Variants in ARHGAP4 observed in about 807,000 individuals in gnomAD.
ARHGAP4 encodes the protein Rho GTPase activating protein 4, also known as rho GTPase-activating protein 4.
Under a neutral mutation model 67.6 loss-of-function variants are expected in ARHGAP4, and 25 were observed. That is an observed-to-expected ratio of 0.37 (90% confidence interval 0.27 to 0.52). ARHGAP4 has a LOEUF of 0.52. Ranked by LOEUF, ARHGAP4 falls within the 20% of genes least tolerant of loss-of-function variation. ARHGAP4 has a pLI of 0.92. For missense variants in ARHGAP4, 804 were observed against 854.6 expected (o/e 0.94, Z 0.74); for synonymous variants, 448 against 373.7 (o/e 1.20, Z -2.29).
In ARHGAP4 at chrX:153,910,800, A is replaced by G. The variant is rs2070097; in HGVS notation, c.1716T>C (p.His572=). The change falls in exon 15 of 22, where the codon CAT becomes CAC. Residue 572 remains histidine (H), a synonymous_variant. Transcript: ENST00000350060. ...EDPLVEGCTA[H]DLDSVAGVLK... is the part of the protein sequence containing the mutation. ...GCACCCCGGCCACCGAGTCCAGGTC[A>G]TGGGCAGTGCAGCCCTCCACCAGTG... 529,728 of 1,186,770 alleles carry G rather than the reference A, an allele frequency of 0.45. 87,749 individuals are homozygous for G. The highest frequency in any genetic ancestry group is 0.87 in the African/African-American group (48,670 of 56,181).
At chrX:153,917,617 G>A (rs1393175186) in intron 7 of ARHGAP4, among the ~76,000 whole-genome samples, 1 of 111,263 alleles carries the variant, frequency 9.0e-6, no homozygotes, top group Non-Finnish European at 1.9e-5. Context: ...TTAGCCTGGC[G>A]TTGTAGTGCA....
chrX:153,907,592 C>A lies in ARHGAP4; in HGVS notation c.*137G>T. On this transcript the variant is annotated 3_prime_UTR_variant, in exon 22 of 22. Coordinates refer to ENST00000350060, the MANE Select transcript of ARHGAP4 (RefSeq NM_001666.5). The stretch of plus-strand genomic sequence containing the variant: ...GCGGGCATCCCTGTGTGCACGGCCC[C>A]ATCCCACCTCTCTGCACAGGGTGAA... 1 of 370,208 alleles carries A rather than the reference C, an allele frequency of 2.7e-6. No homozygotes were observed. The highest frequency in any genetic ancestry group is 4.6e-6 in the Non-Finnish European group (1 of 218,624). 30.5% of individuals were successfully genotyped at this position (370,208 alleles called of 1,213,427 possible).
chrX:153,923,839 G>A (rs2148528881), intron 1 of ARHGAP4, among the ~76,000 whole-genome samples: 1 of 112,225 alleles, frequency 8.9e-6, no homozygotes, highest in Non-Finnish European at 1.9e-5. Flanking sequence ...GTACAGTGGT[G>A]CGATCTCGGC....
At chrX:153,920,603 T>A (rs782751655) in intron 5 of ARHGAP4, 23 bp downstream of exon 5, 22 of 1,182,300 alleles carry the variant, frequency 1.9e-5, no homozygotes, top group Non-Finnish European at 2.4e-5. Context: ...TAGGCCTGCG[T>A]CTGAGGTGCC....
intron 18 of ARHGAP4, 40 bp downstream of exon 18, chrX:153,909,972 G>C (rs782366677): frequency 4.1e-6 from 5 of 1,210,059 alleles, no homozygotes; most frequent in Non-Finnish European, 5.6e-6. Flanking sequence ...GTGGACACTA[G>C]GGTGGGGACA....
At chrX:153,920,971 T>C (rs1219592484) in intron 4 of ARHGAP4, 126 bp downstream of exon 4, 1 of 1,010,390 alleles carries the variant, frequency 9.9e-7, no homozygotes, top group Non-Finnish European at 1.4e-6. Flanking sequence ...CCTTTGCCCC[T>C]AGGTGCGTGC....
intron 1 of ARHGAP4, among the ~76,000 whole-genome samples, chrX:153,922,748 T>G (rs2065104194): frequency 8.9e-6 from 1 of 112,192 alleles, no homozygotes; most frequent in Non-Finnish European, 1.9e-5. Flanking sequence ...GGGACATGAA[T>G]TGATGTCTTC....
intron 8 of ARHGAP4, 29 bp from the exon 9 acceptor site, chrX:153,913,629 A>G: frequency 1.7e-6 from 2 of 1,186,387 alleles, no homozygotes; most frequent in Non-Finnish European, 2.3e-6. Flanking sequence ...CAGGGTGGTA[A>G]GAGGTGGGGG....
Position 153,920,663 on chromosome X carries a change from T to C in ARHGAP4, c.644A>G (p.Lys215Arg), listed in dbSNP as rs782317527. ...AGATEAGPLRKSSLKKGGRLV... is the reference protein window; with the variant it reads ...AGATEAGPLRRSSLKKGGRLV... ...CCTCCCTCCCTTCTTGAGGGAGCTC[T>C]TGCGGAGGGGCCCTGCCTCAGTGGC... The change falls in exon 5 of 22, where the codon AAG becomes AGG. Residue 215 changes from lysine (K) to arginine (R), a missense_variant. Lys to Arg is a conservative substitution (Grantham distance 26). Around this residue, in one of 2 missense-constraint regions of ARHGAP4, gnomAD observed 404 missense variants for 505.9 expected, o/e 0.80. Coordinates refer to ENST00000350060, the MANE Select transcript of ARHGAP4 (RefSeq NM_001666.5). 8.3e-7 allele frequency: 1 copy of C among 1,210,649 alleles called. No homozygotes were observed. Among genetic ancestry groups the C allele is most frequent in the Non-Finnish European group, 1.1e-6 (1 of 894,857 alleles).
rs990664955 is a variant in ARHGAP4 at position 153,921,298 on chromosome X, C to T, written c.435+67G>A. 5.0e-6 allele frequency: 6 copies of T among 1,201,135 alleles called. No individual in the cohort carries two copies. In the African/African-American group the frequency reaches 8.7e-5, roughly 17 times the overall value. On this transcript the variant is annotated intron_variant, in intron 3 of 21. Coordinates refer to ENST00000350060, the MANE Select transcript of ARHGAP4 (RefSeq NM_001666.5). The stretch of plus-strand genomic sequence containing the variant: ...CTCCCCACCTGGCCTCCAGTGCCCT[C>T]CCAGCCACAGTGCCTCCTGATCCCA...
chrX:153,922,635 C>T (rs1404860163), intron 1 of ARHGAP4, among the ~76,000 whole-genome samples: 1 of 112,269 alleles, frequency 8.9e-6, no homozygotes, highest in Non-Finnish European at 1.9e-5. Context: ...GCGGAAGACA[C>T]TTTTGCCATC....
In ARHGAP4 at chrX:153,920,645, C is replaced by G. The variant is rs782244627; in HGVS notation, c.662G>C (p.Gly221Ala). 1 of 1,207,527 alleles carries G rather than the reference C, an allele frequency of 8.3e-7. No individual in the cohort carries two copies. The highest frequency in any genetic ancestry group is 1.1e-6 in the Non-Finnish European group (1 of 893,140). The stretch of plus-strand genomic sequence containing the variant: ...GCCCACCTTCTCCACCAGCCTCCCT[C>G]CCTTCTTGAGGGAGCTCTTGCGGAG... ...GPLRKSSLKK[G>A]GRLVEKRQAK... is the part of the protein sequence containing the mutation. Residue 221 changes from glycine (G) to alanine (A), a missense_variant, in exon 5 of 22, where the codon GGA becomes GCA. Coordinates refer to ENST00000350060, the MANE Select transcript of ARHGAP4 (RefSeq NM_001666.5).
chrX:153,911,500 G>A (rs1304008603), intron 12 of ARHGAP4, among the ~76,000 whole-genome samples: 1 of 111,752 alleles, frequency 8.9e-6, no homozygotes, highest in Non-Finnish European at 1.9e-5. Context: ...AGATCCACTC[G>A]TAGGTGTCTG....
intron 7 of ARHGAP4, among the ~76,000 whole-genome samples, chrX:153,915,975 GCCTGGT>G (rs1487167051): frequency 7.1e-5 from 8 of 112,000 alleles, no homozygotes; most frequent in African/African-American, 2.6e-4. Flanking sequence ...TCGGAAGCTG[GCCTGGT>G]CCTATCAGCC....
At chrX:153,919,099 G>C (rs782390396) in intron 6 of ARHGAP4, 46 bp from the exon 7 acceptor site, 1 of 1,210,494 alleles carries the variant, frequency 8.3e-7, no homozygotes, top group Non-Finnish European at 1.1e-6. Flanking sequence ...TGGAGCCACA[G>C]CTTCCCAGCC....
intron 21 of ARHGAP4, among the ~76,000 whole-genome samples, chrX:153,908,414 G>A (rs1557101783): frequency 2.7e-5 from 3 of 112,060 alleles, no homozygotes; most frequent in South Asian, 3.7e-4. Flanking sequence ...TGGGACACCC[G>A]CATGTTCTTG....
At chrX:153,909,961 T>C (rs1557102503) in intron 18 of ARHGAP4, 37 bp from the exon 19 acceptor site, 1 of 1,205,729 alleles carries the variant, frequency 8.3e-7, no homozygotes, top group Admixed American at 2.2e-5. Context: ...TGGGAGGGGG[T>C]GTGGACACTA....
At chrX:153,924,058 C>T (rs782357721) in intron 1 of ARHGAP4, among the ~76,000 whole-genome samples, 5 of 112,018 alleles carry the variant, frequency 4.5e-5, no homozygotes, top group Non-Finnish European at 9.4e-5. Flanking sequence ...GGATTACAGA[C>T]GTGAGCCACC....
chrX:153,909,929 G>T lies in ARHGAP4; in HGVS notation c.2231-5C>A. On this transcript the variant is annotated splice_polypyrimidine_tract_variant and splice_region_variant and intron_variant, in intron 18 of 21. Coordinates refer to ENST00000350060, the MANE Select transcript of ARHGAP4 (RefSeq NM_001666.5). ...CCTCCACGACCCCCTCCAGGTCTGG[G>T]GAGGAGAGGGGGTCCAAGCTGTGGG... 1 of 1,208,023 alleles carries T rather than the reference G, an allele frequency of 8.3e-7. No individual in the cohort carries two copies.
Sources: allele counts gnomAD v4.1 joint callset (sites outside exome capture counted in the v4.1 genomes callset), GRCh38; gene constraint gnomAD v4.1.1; regional missense constraint gnomAD v4.1.1; transcripts MANE v1.5; gene names NCBI Gene and HGNC (gene_info 2026-07-23, HGNC 2026-07-21).